The following ZNF581 variants were observed in gnomAD, a reference collection of about 807,000 sequenced individuals.
ZNF581 encodes zinc finger protein 581.
ZNF581 carries 1 observed loss-of-function variant against 1.2 expected under a neutral mutation model. That is an observed-to-expected ratio of 0.83 (90% CI 0.30 to 3.95). The LOEUF is 3.95. ZNF581 is among the 30% of genes most tolerant of loss of function. The probability of loss-of-function intolerance (pLI) is 0.18; values close to 1 mark genes in which losing one functional copy is unlikely to be tolerated. For missense variants in ZNF581, 273 were observed against 274.6 expected, an observed-to-expected ratio of 0.99 and a Z score of 0.04; for synonymous variants, 105 against 109.2, an observed-to-expected ratio of 0.96 and a Z score of 0.24.
upstream of ZNF581, chr19:55,641,775 AG>A (rs1982505069): frequency 1.3e-5 from 2 of 152,150 alleles, no homozygotes; most frequent in African/African-American, 4.9e-5. Context: ...AAGGCATTTG[AG>A]CCATTTTGGG....
upstream of ZNF581, chr19:55,642,317 G>C: frequency 7.9e-7 from 1 of 1,259,252 alleles, no homozygotes; most frequent in Non-Finnish European, 1.0e-6. Context: ...GGCCCTCTCC[G>C]AGGCAGCTTG....
upstream of ZNF581, chr19:55,641,028 C>T (rs1454613747): frequency 5.1e-6 from 5 of 985,338 alleles, no homozygotes; most frequent in Non-Finnish European, 6.0e-6. Flanking sequence ...TCCGCCAACC[C>T]CTCGCACCCC....
At chr19:55,637,691 A>G (rs541540996), upstream of ZNF581, among the ~76,000 whole-genome samples, 5 of 152,170 alleles carry the variant, frequency 3.3e-5, no homozygotes, top group Admixed American at 2.6e-4. Flanking sequence ...GCTTGCTGAC[A>G]GGGGTCATGT....
upstream of ZNF581, among the ~76,000 whole-genome samples, chr19:55,638,181 T>C (rs1244528919): frequency 1.3e-5 from 2 of 152,156 alleles, no homozygotes; most frequent in South Asian, 2.1e-4. Context: ...AAAGGGGTAG[T>C]TGGCATATCT....
chr19:55,635,665 G>C (rs1600032212), exon 1 of ZNF581: 1 of 988,058 alleles, frequency 1.0e-6, no homozygotes, highest in African/African-American at 1.7e-5. Flanking sequence ...CAAGATTTGA[G>C]GTGTAAATGG....
At chr19:55,643,030 T>A (rs1215852991), upstream of ZNF581, 2 of 1,358,796 alleles carry the variant, frequency 1.5e-6, no homozygotes, top group Non-Finnish European at 1.9e-6. Context: ...TCCACTAAGC[T>A]CGAGACCCGG....
At chr19:55,637,854 G>C (rs1293352387), upstream of ZNF581, among the ~76,000 whole-genome samples, 1 of 152,222 alleles carries the variant, frequency 6.6e-6, no homozygotes, top group East Asian at 1.9e-4. Flanking sequence ...GCTCTGCCCT[G>C]AGGATGCTGT....
rs963947913 is a variant in ZNF581, at chr19:55,645,083, G to A, written c.512G>A (p.Arg171His). The A allele has an allele frequency of 3.9e-6, 6 of 1,552,016 alleles. No individual in the cohort carries two copies. Among genetic ancestry groups the A allele is most frequent in the East Asian group, 2.3e-5 (1 of 44,164 alleles). ...CACAGCCGGGTGCACTCTGGGGAAC[G>A]CCCGTTTCAGTGTCCACACTGCCCT... ...AQHSRVHSGE[R>H]PFQCPHCPRR... Residue 171 changes from arginine (R) to histidine (H), a missense_variant, in exon 2 of 2, where the codon CGC (arginine) becomes CAC (histidine). Physicochemically the swap from Arg to His is conservative, Grantham distance 29. Coordinates refer to ENST00000270451, the MANE Select transcript of ZNF581 (RefSeq NM_016535.4).
chr19:55,643,634 C>G (rs1277301639), upstream of ZNF581: 2 of 152,370 alleles, frequency 1.3e-5, no homozygotes, highest in African/African-American at 2.4e-5. Flanking sequence ...ACCCTCTTCT[C>G]TCCCTTCGGC....
upstream of ZNF581, chr19:55,642,814 C>T: frequency 2.5e-6 from 4 of 1,572,866 alleles, no homozygotes; most frequent in Non-Finnish European, 2.6e-6. Context: ...GTGTCTTTGC[C>T]AGCCCTCTGC....
upstream of ZNF581, chr19:55,640,294 A>G (rs1982373366): frequency 1.0e-6 from 1 of 985,352 alleles, no homozygotes; most frequent in African/African-American, 1.7e-5. Flanking sequence ...ATGCGCAGCC[A>G]GCGCCCGGGC....
In ZNF581 at chr19:55,645,241, G is replaced by A. The variant is rs752762099; in HGVS notation, c.*76G>A. On this transcript the variant is annotated 3_prime_UTR_variant, in exon 2 of 2. Transcript: ENST00000270451. ...ACTCCTGTCCAGACACCTGGTGAGA[G>A]CCTGAGGCTGGTGTTCAGGGCCCTG... 1 of 1,336,262 alleles carries A rather than the reference G, an allele frequency of 7.5e-7. No homozygotes were observed. The highest frequency in any genetic ancestry group is 1.0e-6 in the Non-Finnish European group (1 of 988,624). The allele number at this position is 1,336,262 out of a possible 1,614,324, so 82.8% of individuals were successfully genotyped here.
chr19:55,642,239 C>T, upstream of ZNF581: 1 of 1,215,580 alleles, frequency 8.2e-7, no homozygotes, highest in African/African-American at 1.6e-5. Flanking sequence ...CAGACCTGAC[C>T]TGAGTGGTGA....
chr19:55,636,428 A>G (rs141011064), upstream of ZNF581, among the ~76,000 whole-genome samples: 906 of 152,176 alleles, frequency 6.0e-3, 5 homozygotes, highest in Middle Eastern at 0.02. Flanking sequence ...TGGCTTCCTC[A>G]TGATCATGTC....
upstream of ZNF581, chr19:55,643,127 G>A (rs1982635643): frequency 5.4e-6 from 7 of 1,293,160 alleles, no homozygotes; most frequent in Admixed American, 4.3e-5. Flanking sequence ...GCTCTGCTGA[G>A]GTTACTGCCT....
chr19:55,640,369 G>A (rs1005119619), upstream of ZNF581: 108 of 985,362 alleles, frequency 1.1e-4, no homozygotes, highest in Non-Finnish European at 1.2e-4. Flanking sequence ...GGCCCCGTGG[G>A]CAGTGCCAGC....
At chr19:55,642,488 C>T, upstream of ZNF581, 1 of 1,424,156 alleles carries the variant, frequency 7.0e-7, no homozygotes, top group Non-Finnish European at 9.2e-7. Context: ...TCCCCTCCGC[C>T]GCTCCCAGCT....
At chr19:55,642,415 T>A, upstream of ZNF581, 1 of 1,375,274 alleles carries the variant, frequency 7.3e-7, no homozygotes, top group Non-Finnish European at 9.4e-7. Context: ...CAAGCAGTGA[T>A]AGTGGGGATG....
Position 55,644,859 on chromosome 19 carries a change from C to G in ZNF581, c.288C>G (p.Phe96Leu). 1.2e-6 allele frequency: 2 copies of G among 1,613,354 alleles called. No homozygotes were observed. The highest frequency in any genetic ancestry group is 1.7e-6 in the Non-Finnish European group (2 of 1,179,342). Residue 96 changes from phenylalanine to leucine, a missense_variant, in exon 2 of 2, where the codon TTC (phenylalanine) becomes TTG (leucine). By Grantham distance (22) the Phe-to-Leu change is conservative (BLOSUM62 0). Coordinates refer to ENST00000270451, the MANE Select transcript of ZNF581 (RefSeq NM_016535.4). The surrounding 1 kb of genome is among the most constrained non-coding windows in gnomAD (Gnocchi z 4.3). ...GCTGCCCCGTGTGCTCAAGGGTCTT[C>G]GAGTACATGTCCTACCTTCAGCGAC... ...CYSCPVCSRV[F>L]EYMSYLQRHS...
Sources: gnomAD v4.1 joint callset for allele counts (sites outside exome capture counted in the v4.1 genomes callset) on GRCh38, gnomAD v4.1.1 for gene constraint, Gnocchi (gnomAD v3.1) non-coding constraint, MANE v1.5 for transcripts, NCBI Gene and HGNC (gene_info 2026-07-23, HGNC 2026-07-21) for gene names.